Variants in SLC8A3 observed in about 807,000 individuals in gnomAD.
SLC8A3 encodes the protein sodium/calcium exchanger 3.
SLC8A3 carries 37 observed loss-of-function variants against 65.4 expected under a neutral mutation model. The ratio of observed to expected loss-of-function variants is 0.57; its 90% CI spans 0.44 to 0.74. SLC8A3 has a LOEUF of 0.74. Ranked by LOEUF, SLC8A3 falls within the 30% of genes least tolerant of loss-of-function variation. SLC8A3 has a pLI of 0.00. For missense variants in SLC8A3, 1,112 were observed against 1,172.1 expected (o/e 0.95, Z 0.75); for synonymous variants, 461 against 444.5 (o/e 1.04, Z -0.47).
intron 2 of SLC8A3, among the ~76,000 whole-genome samples, chr14:70,122,703 AC>A (rs564855828): frequency 1.3e-4 from 20 of 152,310 alleles, no homozygotes; most frequent in Non-Finnish European, 2.4e-4. Context: ...AAACAAAAAA[AC>A]GTTCAGAGTA....
At chr14:70,176,725 C>G (rs988243891) in intron 1 of SLC8A3, among the ~76,000 whole-genome samples, 6 of 152,368 alleles carry the variant, frequency 3.9e-5, no homozygotes, top group Admixed American at 2.0e-4. Flanking sequence ...CATCAATTCT[C>G]TACCCACATA....
intron 2 of SLC8A3, among the ~76,000 whole-genome samples, chr14:70,131,435 C>A (rs963678766): frequency 7.2e-5 from 11 of 152,182 alleles, no homozygotes; most frequent in African/African-American, 2.4e-4. Context: ...AACTTCCAAG[C>A]CTGTTTCTTC....
chr14:70,090,173 G>A (rs371100594), intron 2 of SLC8A3, among the ~76,000 whole-genome samples: 5 of 150,914 alleles, frequency 3.3e-5, no homozygotes, highest in South Asian at 2.1e-4. Flanking sequence ...TGTTTTCCCC[G>A]AAAGATAATT....
chr14:70,145,099 A>G (rs761366194), intron 2 of SLC8A3, among the ~76,000 whole-genome samples: 4 of 152,220 alleles, frequency 2.6e-5, no homozygotes, highest in Admixed American at 6.5e-5. Context: ...CACAAATCAT[A>G]TTTGTTAACT....
intron 2 of SLC8A3, among the ~76,000 whole-genome samples, chr14:70,138,804 G>T (rs1055372312): frequency 1.3e-5 from 2 of 152,172 alleles, no homozygotes; most frequent in African/African-American, 4.8e-5. Context: ...AGGGCAGAAA[G>T]GACCACAGTC....
intron 2 of SLC8A3, 71 bp downstream of exon 2, chr14:70,166,568 A>G: frequency 1.2e-6 from 1 of 868,838 alleles, no homozygotes; most frequent in Non-Finnish European, 1.8e-6. Context: ...TGTAAAGTGC[A>G]GTACAGAAAG....
chr14:70,182,427 G>A (rs779979471), intron 1 of SLC8A3, among the ~76,000 whole-genome samples: 6 of 152,106 alleles, frequency 3.9e-5, no homozygotes, highest in Non-Finnish European at 7.4e-5. Context: ...GGAGAGAGGA[G>A]AGAATCTTGG....
At chr14:70,055,919 A>G (rs1888062016) in intron 3 of SLC8A3, 2 of 1,011,946 alleles carry the variant, frequency 2.0e-6, no homozygotes, top group African/African-American at 3.2e-5. Flanking sequence ...CAGCATAAGG[A>G]AAGCAGAGAG....
chr14:70,051,171 G>T (rs1469036533), intron 4 of SLC8A3, 64 bp from the exon 5 acceptor site: 6 of 1,108,308 alleles, frequency 5.4e-6, no homozygotes, highest in African/African-American at 4.6e-5. Context: ...GAGGAGTCTG[G>T]TTCTTCAAAG....
chr14:70,174,669 T>TG (rs1566833579), intron 1 of SLC8A3, among the ~76,000 whole-genome samples: 84 of 111,484 alleles, frequency 7.5e-4, no homozygotes, highest in African/African-American at 1.6e-3. Flanking sequence ...TTTGTTTTTT[T>TG]TTTTTTTTTT....
At chr14:70,186,361 T>A (rs1277111176) in intron 1 of SLC8A3, among the ~76,000 whole-genome samples, 2 of 152,222 alleles carry the variant, frequency 1.3e-5, no homozygotes, top group Non-Finnish European at 2.9e-5. Context: ...GAGAACGGAC[T>A]AATACAGGTG....
intron 2 of SLC8A3, among the ~76,000 whole-genome samples, chr14:70,130,868 C>G (rs1283924337): frequency 2.0e-5 from 3 of 152,228 alleles, no homozygotes; most frequent in Non-Finnish European, 4.4e-5. Flanking sequence ...GTAAGAGCCA[C>G]TGGCATGCCT....
chr14:70,071,762 G>A (rs1322957615), intron 2 of SLC8A3, among the ~76,000 whole-genome samples: 1 of 152,174 alleles, frequency 6.6e-6, no homozygotes, highest in Non-Finnish European at 1.5e-5. Flanking sequence ...AAGCCTCTAC[G>A]TTTCTGACAA....
chr14:70,091,431 C>T (rs920555010), intron 2 of SLC8A3, among the ~76,000 whole-genome samples: 29 of 152,178 alleles, frequency 1.9e-4, no homozygotes, highest in Non-Finnish European at 2.9e-5. Context: ...TTCCTACAAA[C>T]CCTGGCTCTT....
chr14:70,136,246 G>A (rs1252810316), intron 2 of SLC8A3, among the ~76,000 whole-genome samples: 2 of 152,164 alleles, frequency 1.3e-5, no homozygotes, highest in Admixed American at 1.3e-4. Context: ...GGCAAGGAAG[G>A]ATTCTCCTCT....
At chr14:70,088,620 T>C (rs141194608) in intron 2 of SLC8A3, among the ~76,000 whole-genome samples, 1 of 152,302 alleles carries the variant, frequency 6.6e-6, no homozygotes, top group African/African-American at 2.4e-5. Flanking sequence ...CCTTTTCCCT[T>C]TTAATAGCCT....
intron 3 of SLC8A3, among the ~76,000 whole-genome samples, chr14:70,059,781 T>C (rs1888570302): frequency 6.6e-6 from 1 of 152,110 alleles, no homozygotes; most frequent in South Asian, 2.1e-4. Context: ...CACCTGTCTG[T>C]CAGGGATCAG....
intron 2 of SLC8A3, among the ~76,000 whole-genome samples, chr14:70,127,615 G>A (rs1199936863): frequency 6.6e-6 from 1 of 152,106 alleles, no homozygotes; most frequent in Non-Finnish European, 1.5e-5. Flanking sequence ...GTCCTGCCTC[G>A]GGATGTCCCC....
chr14:70,071,764 T>C (rs1425317785), intron 2 of SLC8A3, among the ~76,000 whole-genome samples: 1 of 152,196 alleles, frequency 6.6e-6, no homozygotes, highest in Non-Finnish European at 1.5e-5. Context: ...GCCTCTACGT[T>C]TCTGACAATT....
Sources: allele counts gnomAD v4.1 joint callset (sites outside exome capture counted in the v4.1 genomes callset), GRCh38; gene constraint gnomAD v4.1.1; transcripts MANE v1.5; gene names NCBI Gene and HGNC (gene_info 2026-07-23, HGNC 2026-07-21).